Variants in TSGA10IP observed in about 807,000 individuals in gnomAD.
TSGA10IP encodes the protein testis specific 10 interacting protein.
TSGA10IP carries 64 observed loss-of-function variants against 63.2 expected under a neutral mutation model. That is an observed-to-expected ratio of 1.01 (90% CI 0.83 to 1.25). The LOEUF is 1.25. TSGA10IP is among the 50% of genes most tolerant of loss of function. The pLI is 0.00. For synonymous variants in TSGA10IP, 316 were observed against 298.3 expected (o/e 1.06, Z -0.61); for missense variants, 681 against 710.1 (o/e 0.96, Z 0.47).
At chr11:65,959,214 C>A in exon 7 of TSGA10IP, 1 of 1,606,114 alleles carries the variant, frequency 6.2e-7, no homozygotes, top group Non-Finnish European at 8.5e-7. Flanking sequence ...CACCGTCACT[C>A]GGCGCTTCTC....
intron 5 of TSGA10IP, among the ~76,000 whole-genome samples, chr11:65,956,207 G>A (rs1855022388): frequency 6.7e-6 from 1 of 149,306 alleles, no homozygotes. Context: ...GCGCGATCTC[G>A]GCTCACCGCA....
chr11:65,953,200 T>C (rs990748030), intron 4 of TSGA10IP, among the ~76,000 whole-genome samples: 1 of 152,002 alleles, frequency 6.6e-6, no homozygotes, highest in Admixed American at 6.6e-5. Flanking sequence ...CTGGCTAATT[T>C]TGGCATTTTT....
At chr11:65,949,947 G>C (rs1000629565) in intron 4 of TSGA10IP, among the ~76,000 whole-genome samples, 1 of 146,650 alleles carries the variant, frequency 6.8e-6, no homozygotes, top group Non-Finnish European at 1.5e-5. Flanking sequence ...CCGTCTCCAG[G>C]GTTCAAGCAA....
At chr11:65,946,884 G>A in exon 2 of TSGA10IP, 2 of 1,613,726 alleles carry the variant, frequency 1.2e-6, no homozygotes, top group Non-Finnish European at 1.7e-6. Flanking sequence ...GCCCAGGGCT[G>A]CCTGGGGAGT....
exon 5 of TSGA10IP, chr11:65,953,711 G>C (rs543982118): frequency 4.5e-6 from 7 of 1,559,004 alleles, no homozygotes; most frequent in Non-Finnish European, 2.6e-6. Flanking sequence ...GCCCTGGGGC[G>C]GCCCAGCGCA....
At chr11:65,952,373 A>T (rs1434673308) in intron 4 of TSGA10IP, among the ~76,000 whole-genome samples, 2 of 152,200 alleles carry the variant, frequency 1.3e-5, no homozygotes, top group Admixed American at 1.3e-4. Flanking sequence ...TCTGGGTCAT[A>T]GCCAAAAAAC....
intron 4 of TSGA10IP, 131 bp from the exon 5 acceptor site, chr11:65,953,435 CT>C: frequency 7.9e-7 from 1 of 1,258,460 alleles, no homozygotes; most frequent in Non-Finnish European, 1.0e-6. Context: ...ACAAACCCTA[CT>C]CCCAGGACAC....
Position 65,947,808 on chromosome 11 carries a change from TA to T in TSGA10IP, c.984del (p.Gln329ArgfsTer16). The T allele has an allele frequency of 1.3e-6, 2 of 1,567,854 alleles. No individual in the cohort carries two copies. The highest frequency in any genetic ancestry group is 1.7e-6 in the Non-Finnish European group (2 of 1,156,726). On this transcript the variant is annotated frameshift_variant, in exon 3 of 8. Coordinates refer to ENST00000532620, the Ensembl canonical transcript of TSGA10IP. LOFTEE classifies it high-confidence loss of function. The stretch of plus-strand genomic sequence containing the variant: ...GACCTGGAGAAGCTGCACAGGCAGC[TA>T]CAGAGAGACCTGGACTGTGGTGAGC...
intron 1 of TSGA10IP, among the ~76,000 whole-genome samples, 195 bp downstream of exon 1, chr11:65,946,017 T>G (rs980844680): frequency 1.3e-5 from 2 of 151,612 alleles, no homozygotes; most frequent in African/African-American, 4.9e-5. Flanking sequence ...CGCCCAGGAG[T>G]GACTCCCAGG....
At chr11:65,959,190 G>C in exon 7 of TSGA10IP, 9 of 1,603,440 alleles carry the variant, frequency 5.6e-6, no homozygotes, top group Non-Finnish European at 7.7e-6. Flanking sequence ...CTCTCCTCAG[G>C]CCAATGCCCG....
intron 1 of TSGA10IP, among the ~76,000 whole-genome samples, chr11:65,946,383 G>C (rs989681932): frequency 6.6e-6 from 1 of 152,132 alleles, no homozygotes; most frequent in Non-Finnish European, 1.5e-5. Context: ...GGTGGCAGCT[G>C]TTGCTATTTT....
chr11:65,955,678 G>C (rs1400912512), intron 5 of TSGA10IP, among the ~76,000 whole-genome samples: 1 of 151,538 alleles, frequency 6.6e-6, no homozygotes, highest in African/African-American at 2.4e-5. Context: ...TCCTGCGAAA[G>C]GAGCCCCTGG....
At chr11:65,953,690 A>T in exon 5 of TSGA10IP, 1 of 1,584,388 alleles carries the variant, frequency 6.3e-7, no homozygotes. Context: ...ACGCACCCAG[A>T]GGGAGCCGGG....
chr11:65,948,276 TCATCCATCCATC>T lies in TSGA10IP; in HGVS notation c.1151+159_1151+170del, dbSNP rs200343600. ...TTTATCCATTCACCAAACTTTTGGA[TCATCCATCCATC>T]CATCCATCCATCCATCCATCCATCC... On this transcript the variant is annotated intron_variant, in intron 4 of 7. Transcript: ENST00000532620. The T allele has an allele frequency of 1.0e-4, 108 of 1,048,870 alleles. 1 individual carries two copies. Among genetic ancestry groups the T allele is most frequent in the South Asian group, 3.9e-4 (22 of 56,234 alleles). 65.0% of individuals were successfully genotyped at this position (1,048,870 alleles called of 1,614,324 possible). A position where few individuals can be genotyped will look rare whatever the true frequency, so the allele number is the denominator to read the frequency against.
At chr11:65,952,236 T>C (rs899048478) in intron 4 of TSGA10IP, among the ~76,000 whole-genome samples, 7 of 152,204 alleles carry the variant, frequency 4.6e-5, no homozygotes, top group African/African-American at 1.7e-4. Flanking sequence ...CCTTTTCAGA[T>C]GTATGGTTTG....
chr11:65,956,048 C>A (rs538513442), intron 5 of TSGA10IP, among the ~76,000 whole-genome samples: 17 of 152,096 alleles, frequency 1.1e-4, no homozygotes, highest in African/African-American at 4.1e-4. Context: ...TCCTTTGGTC[C>A]GTGGCAAGTG....
chr11:65,954,275 C>T (rs546135579), intron 5 of TSGA10IP, among the ~76,000 whole-genome samples: 1 of 152,032 alleles, frequency 6.6e-6, no homozygotes, highest in South Asian at 2.1e-4. Context: ...ACGCCATTCT[C>T]CTGCCTCAGT....
At chr11:65,956,427 G>A (rs1157824710) in intron 5 of TSGA10IP, among the ~76,000 whole-genome samples, 1 of 152,094 alleles carries the variant, frequency 6.6e-6, no homozygotes, top group Admixed American at 6.6e-5. Flanking sequence ...GTGAGCCACC[G>A]CGCCCGGCCG....
At chr11:65,959,095 C>A in intron 6 of TSGA10IP, 95 bp from the exon 7 acceptor site, 9 of 1,562,768 alleles carry the variant, frequency 5.8e-6, no homozygotes, top group Non-Finnish European at 7.8e-6. Flanking sequence ...GGGCTGCTGC[C>A]CTCTGGAATC....
Sources: allele counts gnomAD v4.1 joint callset (sites outside exome capture counted in the v4.1 genomes callset), GRCh38; gene constraint gnomAD v4.1.1; transcripts MANE v1.5; gene names NCBI Gene and HGNC (gene_info 2026-07-23, HGNC 2026-07-21).